Variants in EEPD1 observed in about 807,000 individuals in gnomAD.
EEPD1 encodes the protein endonuclease/exonuclease/phosphatase family domain-containing protein 1.
A neutral mutation model predicts 46.3 loss-of-function variants in EEPD1; 17 were observed. The observed-to-expected ratio is 0.37, with a 90% CI of 0.25 to 0.55. The LOEUF (loss-of-function observed/expected upper bound fraction) is 0.55. Ranked by LOEUF, EEPD1 falls within the 20% of genes least tolerant of loss-of-function variation. EEPD1 has a pLI of 0.83. For missense variants in EEPD1, 673 were observed against 745.6 expected (o/e 0.90, Z 1.13); for synonymous variants, 313 against 315.6 (o/e 0.99, Z 0.09).
intron 2 of EEPD1, among the ~76,000 whole-genome samples, chr7:36,161,790 G>T (rs953541871): frequency 1.3e-5 from 2 of 151,784 alleles, no homozygotes; most frequent in African/African-American, 4.8e-5. Flanking sequence ...GGTAGTGCGT[G>T]CCTGTAGTCC....
At chr7:36,164,242 C>T (rs1035276256) in intron 2 of EEPD1, among the ~76,000 whole-genome samples, 1 of 152,204 alleles carries the variant, frequency 6.6e-6, no homozygotes, top group Admixed American at 6.5e-5. Flanking sequence ...TTTCAAGTAT[C>T]CATCTTCGTT....
chr7:36,283,514 A>G (rs897118018), intron 4 of EEPD1, among the ~76,000 whole-genome samples: 20 of 152,202 alleles, frequency 1.3e-4, no homozygotes, highest in Non-Finnish European at 2.6e-4. Flanking sequence ...CCAGCAGGGC[A>G]GTCATACCTC....
At position 36,188,745 on chromosome 7, in the gene EEPD1, G is replaced by A. The variant is rs1030949003; in HGVS notation, c.878+33543G>A. Among the ~76,000 whole-genome samples the A allele has an allele frequency of 6.6e-5, 10 of 152,004 alleles. No individual in the cohort carries two copies. In the East Asian group the frequency reaches 1.9e-3, roughly 29 times the overall value. ...GATTCCTAGTCATCTGCTGAAATGG[G>A]TGGTTTGCATTAAAAAAAAATTGAG... On this transcript the variant is annotated intron_variant, in intron 2 of 7. Transcript: ENST00000242108.
intron 2 of EEPD1, among the ~76,000 whole-genome samples, chr7:36,196,380 GTCTCCCTCTCCCA>G (rs1280243606): frequency 6.6e-6 from 1 of 151,342 alleles, no homozygotes; most frequent in African/African-American, 2.4e-5. Context: ...CTCGTCTCCC[GTCTCCCTCTCCCA>G]TCTCCCTCTC....
chr7:36,208,678 A>T (rs1785868509), intron 2 of EEPD1, among the ~76,000 whole-genome samples: 1 of 152,190 alleles, frequency 6.6e-6, no homozygotes, highest in South Asian at 2.1e-4. Flanking sequence ...CTTGGTTTAG[A>T]GGGAAGAGAA....
At chr7:36,248,374 T>A (rs1786675171) in intron 3 of EEPD1, among the ~76,000 whole-genome samples, 1 of 151,608 alleles carries the variant, frequency 6.6e-6, no homozygotes, top group South Asian at 2.1e-4. Flanking sequence ...CCCAGCTAAT[T>A]TTTTCTATTT....
intron 2 of EEPD1, among the ~76,000 whole-genome samples, chr7:36,195,749 A>T (rs1430623682): frequency 6.6e-6 from 1 of 152,208 alleles, no homozygotes; most frequent in Non-Finnish European, 1.5e-5. Context: ...GTAGATTATA[A>T]GTGTTCTTAT....
At chr7:36,266,868 G>A (rs1278315703) in intron 3 of EEPD1, among the ~76,000 whole-genome samples, 3 of 152,152 alleles carry the variant, frequency 2.0e-5, no homozygotes, top group Non-Finnish European at 4.4e-5. Context: ...TTCGCTTAGT[G>A]TAATGTGTTC....
intron 3 of EEPD1, among the ~76,000 whole-genome samples, chr7:36,252,829 C>CAT (rs1786772004): frequency 1.8e-5 from 1 of 54,850 alleles, no homozygotes; most frequent in Non-Finnish European, 3.1e-5. Context: ...GTGTTCTCTC[C>CAT]TTTTTTTTTT....
At chr7:36,233,580 AC>A (rs1786374989) in intron 2 of EEPD1, among the ~76,000 whole-genome samples, 1 of 152,164 alleles carries the variant, frequency 6.6e-6, no homozygotes, top group African/African-American at 2.4e-5. Context: ...AGACAAAAGC[AC>A]CCCGATATAC....
At chr7:36,270,154 T>A (rs1003936642) in intron 3 of EEPD1, among the ~76,000 whole-genome samples, 22 of 152,230 alleles carry the variant, frequency 1.4e-4, no homozygotes, top group African/African-American at 5.3e-4. Flanking sequence ...GATATATTGA[T>A]AAAATGCACA....
chr7:36,251,588 G>T (rs1244778456), intron 3 of EEPD1, among the ~76,000 whole-genome samples: 1 of 152,206 alleles, frequency 6.6e-6, no homozygotes, highest in African/African-American at 2.4e-5. Flanking sequence ...GGGATTACAG[G>T]CATGAGCCAC....
chr7:36,287,544 C>G (rs1787359256), intron 5 of EEPD1, 95 bp from the exon 6 acceptor site: 1 of 1,511,384 alleles, frequency 6.6e-7, no homozygotes. Flanking sequence ...CCATTGTCAA[C>G]TCTGTGCACA....
intron 3 of EEPD1, among the ~76,000 whole-genome samples, chr7:36,256,075 A>G (rs1170152711): frequency 1.3e-5 from 2 of 152,080 alleles, no homozygotes; most frequent in African/African-American, 4.8e-5. Flanking sequence ...CCTTAATTTC[A>G]TTATTTACCC....
chr7:36,273,129 TAC>T (rs10578694), intron 3 of EEPD1, among the ~76,000 whole-genome samples: 59,791 of 148,332 alleles, frequency 0.4, 12,889 homozygotes, highest in Non-Finnish European at 0.5. Flanking sequence ...GGTGCATGCT[TAC>T]ACACACACAC....
At chr7:36,295,876 C>G (rs996636533) in intron 6 of EEPD1, among the ~76,000 whole-genome samples, 1 of 151,782 alleles carries the variant, frequency 6.6e-6, no homozygotes, top group Non-Finnish European at 1.5e-5. Context: ...ACTAAAAATA[C>G]AAAAGTTAGC....
At chr7:36,155,257 T>A in intron 2 of EEPD1, 55 bp downstream of exon 2, 3 of 1,473,512 alleles carry the variant, frequency 2.0e-6, no homozygotes, top group Non-Finnish European at 2.7e-6. Context: ...GTGCGTGACC[T>A]CATCTATGGA....
chr7:36,239,310 T>C (rs1224453921), intron 3 of EEPD1, among the ~76,000 whole-genome samples: 3 of 152,170 alleles, frequency 2.0e-5, no homozygotes, highest in Non-Finnish European at 4.4e-5. Flanking sequence ...GGCCATACTC[T>C]GGAGGAGGCT....
intron 3 of EEPD1, among the ~76,000 whole-genome samples, chr7:36,275,400 C>A (rs752731087): frequency 2.0e-5 from 3 of 152,130 alleles, no homozygotes; most frequent in Non-Finnish European, 2.9e-5. Flanking sequence ...GGTAGCTGGA[C>A]AGACCACTGA....
Sources: allele counts gnomAD v4.1 joint callset (sites outside exome capture counted in the v4.1 genomes callset), GRCh38; gene constraint gnomAD v4.1.1; transcripts MANE v1.5; gene names NCBI Gene and HGNC (gene_info 2026-07-23, HGNC 2026-07-21).